The following ANGPT1 variants were observed in gnomAD, a reference collection of about 807,000 sequenced individuals.
ANGPT1 encodes angiopoietin-1.
In ANGPT1, 17 loss-of-function variants were observed where a neutral mutation model predicts 62.2. That is an observed-to-expected ratio of 0.27 (90% confidence interval 0.19 to 0.41). The LOEUF (loss-of-function observed/expected upper bound fraction) is 0.41. ANGPT1 is among the 10% of genes least tolerant of loss of function. The pLI is 1.00. For synonymous variants in ANGPT1, 199 were observed against 198.9 expected (o/e 1.00, Z 0.00); for missense variants, 478 against 594.9 (o/e 0.80, Z 2.04).
At chr8:107,394,833 G>A (rs1816904188) in intron 1 of ANGPT1, among the ~76,000 whole-genome samples, 2 of 152,060 alleles carry the variant, frequency 1.3e-5, no homozygotes, top group South Asian at 4.1e-4. Flanking sequence ...CTGGATAACA[G>A]CATATTAAAG....
intron 4 of ANGPT1, among the ~76,000 whole-genome samples, chr8:107,309,581 G>A (rs777676446): frequency 6.6e-6 from 1 of 152,116 alleles, no homozygotes; most frequent in Non-Finnish European, 1.5e-5. Flanking sequence ...AGATTTCCAG[G>A]CAGTCCAAGT....
intron 7 of ANGPT1, among the ~76,000 whole-genome samples, chr8:107,265,486 G>A (rs1039191141): frequency 6.6e-6 from 1 of 152,168 alleles, no homozygotes; most frequent in Non-Finnish European, 1.5e-5. Flanking sequence ...GCTCCATAGG[G>A]CTTAGAGTAG....
intron 4 of ANGPT1, among the ~76,000 whole-genome samples, chr8:107,311,995 C>G: frequency 6.9e-6 from 1 of 145,602 alleles, no homozygotes; most frequent in African/African-American, 2.6e-5. Context: ...ACCTGGGAGG[C>G]GGAGCTTGCA....
intron 1 of ANGPT1, among the ~76,000 whole-genome samples, chr8:107,459,451 T>A (rs1812007575): frequency 6.6e-6 from 1 of 150,662 alleles, no homozygotes; most frequent in Admixed American, 6.6e-5. Flanking sequence ...ATCGTGCCAC[T>A]GCACTCCAGC....
At chr8:107,266,219 A>T (rs1043277863) in intron 7 of ANGPT1, among the ~76,000 whole-genome samples, 2 of 152,226 alleles carry the variant, frequency 1.3e-5, no homozygotes, top group African/African-American at 4.8e-5. Flanking sequence ...GTAAGATGAC[A>T]GATCACCAAA....
At chr8:107,338,513 A>T (rs1191474302) in intron 2 of ANGPT1, among the ~76,000 whole-genome samples, 1 of 152,238 alleles carries the variant, frequency 6.6e-6, no homozygotes, top group Non-Finnish European at 1.5e-5. Flanking sequence ...TACTCTAAAA[A>T]AGTTTAAACT....
rs1293287162 is a variant in ANGPT1, at chr8:107,251,051, ATCAT to A, written c.*800_*803del. ...ACTCAGGCTATAAATATATTTATAT[ATCAT>A]TCAATCAGTTTTTAGAGTAAATGAA... On this transcript the variant is annotated 3_prime_UTR_variant, in exon 9 of 9. Transcript: ENST00000517746. 3 of 152,180 alleles carry A rather than the reference ATCAT, an allele frequency of 2.0e-5. No homozygotes were observed. Among genetic ancestry groups the A allele is most frequent in the Non-Finnish European group, 4.4e-5 (3 of 68,018 alleles). 9.4% of individuals were successfully genotyped at this position (152,180 alleles called of 1,614,324 possible).
At chr8:107,264,107 G>A in intron 8 of ANGPT1, 114 bp downstream of exon 8, 1 of 1,300,952 alleles carries the variant, frequency 7.7e-7, no homozygotes, top group South Asian at 1.8e-5. Context: ...ATGATCTCTA[G>A]GGACTTGCTC....
intron 7 of ANGPT1, among the ~76,000 whole-genome samples, chr8:107,274,759 C>T (rs978024196): frequency 9.9e-5 from 15 of 152,020 alleles, no homozygotes; most frequent in African/African-American, 2.7e-4. Context: ...TGTGTGGATT[C>T]GCACAAAAAA....
intron 1 of ANGPT1, among the ~76,000 whole-genome samples, chr8:107,447,446 T>C (rs10102601): frequency 0.22 from 33,113 of 152,134 alleles, 4,088 homozygotes; most frequent in African/African-American, 0.32. Flanking sequence ...ACATTAACTA[T>C]GAGCATGAAC....
chr8:107,492,452 C>T (rs1812985205), intron 1 of ANGPT1, among the ~76,000 whole-genome samples: 1 of 152,194 alleles, frequency 6.6e-6, no homozygotes, highest in Non-Finnish European at 1.5e-5. Context: ...TCTCCTTCCT[C>T]AGCCTCCCTA....
chr8:107,284,405 G>A (rs1814089124), intron 7 of ANGPT1: 1 of 208,684 alleles, frequency 4.8e-6, no homozygotes, highest in Non-Finnish European at 9.4e-6. Context: ...CACTGCAACT[G>A]CATGATAACC....
intron 7 of ANGPT1, among the ~76,000 whole-genome samples, chr8:107,271,286 A>T (rs183740783): frequency 5.3e-4 from 81 of 152,204 alleles, no homozygotes; most frequent in African/African-American, 1.9e-3. Flanking sequence ...GTGAAGATTA[A>T]ATGAGGTGAT....
intron 1 of ANGPT1, among the ~76,000 whole-genome samples, chr8:107,471,263 G>A (rs1304854185): frequency 6.6e-6 from 1 of 152,122 alleles, no homozygotes; most frequent in Non-Finnish European, 1.5e-5. Flanking sequence ...GATGAAGCTG[G>A]AAACCATCAT....
chr8:107,257,192 G>A (rs550424626), intron 8 of ANGPT1, among the ~76,000 whole-genome samples: 1 of 152,264 alleles, frequency 6.6e-6, no homozygotes, highest in African/African-American at 2.4e-5. Flanking sequence ...CTGCTGAGAT[G>A]TACTTTCGAA....
rs1409677783 is a variant in ANGPT1, at chr8:107,497,571, A to G, written c.-13T>C. ...GGAAAACTGTCATTGTACTGCCAGC[A>G]CACTCCTTCCGTGCCTCTCGCAAAA... On this transcript the variant is annotated 5_prime_UTR_variant, in exon 1 of 9. Transcript: ENST00000517746. 1 of 1,609,488 alleles carries G rather than the reference A, an allele frequency of 6.2e-7. No individual in the cohort carries two copies. The highest frequency in any genetic ancestry group is 8.5e-7 in the Non-Finnish European group (1 of 1,177,074).
intron 1 of ANGPT1, among the ~76,000 whole-genome samples, chr8:107,403,528 T>C (rs989230167): frequency 6.6e-6 from 1 of 152,044 alleles, no homozygotes; most frequent in African/African-American, 2.4e-5. Flanking sequence ...GCTGATATCA[T>C]CAATGATGAT....
intron 6 of ANGPT1, among the ~76,000 whole-genome samples, chr8:107,286,153 C>T (rs924270544): frequency 6.6e-6 from 1 of 152,116 alleles, no homozygotes; most frequent in Non-Finnish European, 1.5e-5. Context: ...GTCACTTGCG[C>T]ACTACCTCCT....
At chr8:107,315,617 A>G (rs13278421) in intron 4 of ANGPT1, among the ~76,000 whole-genome samples, 31,377 of 151,734 alleles carry the variant, frequency 0.21, 3,877 homozygotes, top group East Asian at 0.35. Context: ...TGTTTTTCAC[A>G]CTGTCTATAT....
Sources: gnomAD v4.1 joint callset for allele counts (sites outside exome capture counted in the v4.1 genomes callset) on GRCh38, gnomAD v4.1.1 for gene constraint, MANE v1.5 for transcripts, NCBI Gene and HGNC (gene_info 2026-07-23, HGNC 2026-07-21) for gene names.